Variants in RSBN1L observed in about 807,000 individuals in gnomAD.
RSBN1L encodes the protein round spermatid basic protein 1 like.
In RSBN1L, 30 loss-of-function variants were observed where a neutral mutation model predicts 67.7. That is an observed-to-expected ratio of 0.44 (90% CI 0.33 to 0.60). The LOEUF (loss-of-function observed/expected upper bound fraction) is 0.60, where lower values mean the gene tolerates loss of function less well. Among genes scored for constraint, RSBN1L ranks in the 20% least tolerant of loss-of-function variants. RSBN1L has a pLI of 0.02. For synonymous variants in RSBN1L, 433 were observed against 387.0 expected (o/e 1.12, Z -1.39); for missense variants, 992 against 1,031.7 (o/e 0.96, Z 0.53).
chr7:77,777,404 AGCAGTC>A (rs1791932140), intron 6 of RSBN1L, among the ~76,000 whole-genome samples: 1 of 150,982 alleles, frequency 6.6e-6, no homozygotes, highest in African/African-American at 2.4e-5. Flanking sequence ...AAATTCCTTT[AGCAGTC>A]TTTGTTATGC....
chr7:77,719,791 G>A (rs1048263620), intron 1 of RSBN1L, among the ~76,000 whole-genome samples: 4 of 152,136 alleles, frequency 2.6e-5, no homozygotes, highest in African/African-American at 7.2e-5. Flanking sequence ...TAGAGACAAG[G>A]TCTCACTCTG....
Position 77,779,319 on chromosome 7 carries a change from C to G in RSBN1L, c.*151C>G, listed in dbSNP as rs910810160. 3 of 620,974 alleles carry G rather than the reference C, an allele frequency of 4.8e-6. No homozygotes were observed. In the African/African-American group the frequency reaches 5.6e-5, roughly 12 times the overall value. The allele number at this position is 620,974 out of a possible 1,614,324, so 38.5% of individuals were successfully genotyped here. A position where few individuals can be genotyped will look rare whatever the true frequency, so the allele number is the denominator to read the frequency against. On this transcript the variant is annotated 3_prime_UTR_variant, in exon 8 of 8. Coordinates refer to ENST00000334955, the MANE Select transcript of RSBN1L (RefSeq NM_198467.3). Reference sequence around the variant, plus strand: ...AACATTCCTCAGTGCCTGTCCATAACTGTGAAGTATTAAGCACTTAGGGCC... The same window carrying G: ...AACATTCCTCAGTGCCTGTCCATAAGTGTGAAGTATTAAGCACTTAGGGCC...
chr7:77,768,196 G>A (rs1428348048), intron 4 of RSBN1L, among the ~76,000 whole-genome samples: 3 of 152,068 alleles, frequency 2.0e-5, no homozygotes, highest in Non-Finnish European at 4.4e-5. Flanking sequence ...TCTGGTTTAA[G>A]CCAACAACCT....
intron 4 of RSBN1L, among the ~76,000 whole-genome samples, chr7:77,767,306 A>C (rs1210191401): frequency 6.9e-6 from 1 of 144,964 alleles, no homozygotes; most frequent in Non-Finnish European, 1.5e-5. Context: ...TTTTTTTTTA[A>C]TTTTGTTCTC....
chr7:77,740,277 TC>T (rs1791391419), intron 2 of RSBN1L, among the ~76,000 whole-genome samples: 1 of 152,202 alleles, frequency 6.6e-6, no homozygotes, highest in African/African-American at 2.4e-5. Flanking sequence ...TGCATTATGT[TC>T]CAGGCATTTT....
chr7:77,751,629 C>T (rs910658738), intron 3 of RSBN1L, among the ~76,000 whole-genome samples: 1 of 152,202 alleles, frequency 6.6e-6, no homozygotes, highest in African/African-American at 2.4e-5. Context: ...AGAATCAGGA[C>T]TGGCATCTAA....
chr7:77,748,806 T>C lies in RSBN1L; in HGVS notation c.704-618T>C, dbSNP rs143783470. Among the ~76,000 whole-genome samples the C allele has an allele frequency of 5.6e-3, 856 of 152,228 alleles. 4 individuals carry two copies. The highest frequency in any genetic ancestry group is 0.02 in the African/African-American group (813 of 41,554). ...GGCCTGAAGATTGTTTTCTAAAATA[T>C]TCATTCATCTCCTTATTTCTGTAAA... is the stretch of plus-strand genomic sequence containing the variant. On this transcript the variant is annotated intron_variant, in intron 2 of 7. Coordinates refer to ENST00000334955, the MANE Select transcript of RSBN1L (RefSeq NM_198467.3).
intron 1 of RSBN1L, among the ~76,000 whole-genome samples, chr7:77,734,126 A>C (rs1791303024): frequency 6.6e-6 from 1 of 152,118 alleles, no homozygotes; most frequent in East Asian, 1.9e-4. Context: ...ACTTTGTCTC[A>C]AAAAAAGAAA....
At chr7:77,706,285 C>G (rs1790890991) in intron 1 of RSBN1L, among the ~76,000 whole-genome samples, 1 of 151,886 alleles carries the variant, frequency 6.6e-6, no homozygotes, top group Admixed American at 6.6e-5. Flanking sequence ...ACCATGTTGT[C>G]CAGGCTGGTT....
At chr7:77,698,312 T>C (rs1245800643) in intron 1 of RSBN1L, among the ~76,000 whole-genome samples, 3 of 152,210 alleles carry the variant, frequency 2.0e-5, no homozygotes, top group Non-Finnish European at 4.4e-5. Context: ...GAGGATGGGA[T>C]TTTGGTACTT....
chr7:77,754,352 G>C (rs1791590759), intron 3 of RSBN1L, among the ~76,000 whole-genome samples: 1 of 152,092 alleles, frequency 6.6e-6, no homozygotes, highest in South Asian at 2.1e-4. Flanking sequence ...TTACATTAAG[G>C]CTATAGATAA....
intron 6 of RSBN1L, among the ~76,000 whole-genome samples, chr7:77,777,168 T>TC (rs1193634251): frequency 1.3e-5 from 2 of 151,982 alleles, no homozygotes; most frequent in African/African-American, 4.8e-5. Flanking sequence ...ATTTATTCCC[T>TC]CCCCCCTCAC....
At chr7:77,738,211 A>G (rs1329401645) in intron 2 of RSBN1L, among the ~76,000 whole-genome samples, 1 of 152,188 alleles carries the variant, frequency 6.6e-6, no homozygotes, top group African/African-American at 2.4e-5. Context: ...TATGTTCTTG[A>G]TTGAATACTG....
chr7:77,698,509 A>C (rs2150410204), intron 1 of RSBN1L, among the ~76,000 whole-genome samples: 1 of 152,346 alleles, frequency 6.6e-6, no homozygotes, highest in Admixed American at 6.5e-5. Context: ...TATGAGTATT[A>C]CATAGTTGGA....
chr7:77,761,790 T>C (rs892437557), intron 3 of RSBN1L, among the ~76,000 whole-genome samples: 6 of 152,220 alleles, frequency 3.9e-5, no homozygotes, highest in East Asian at 1.9e-4. Context: ...TGAAATGATA[T>C]ATAGTTAAAG....
At chr7:77,768,500 A>G (rs1006859565) in intron 4 of RSBN1L, 161 bp from the exon 5 acceptor site, 24 of 635,566 alleles carry the variant, frequency 3.8e-5, no homozygotes, top group Admixed American at 6.0e-5. Context: ...GAAGCAAAGT[A>G]TATCAATATA....
chr7:77,760,113 T>C (rs957237497), intron 3 of RSBN1L, among the ~76,000 whole-genome samples: 4 of 152,358 alleles, frequency 2.6e-5, no homozygotes, highest in Non-Finnish European at 5.9e-5. Flanking sequence ...AAAAATCTTA[T>C]AGATTTGTTT....
At chr7:77,776,736 A>G (rs536468534) in intron 6 of RSBN1L, among the ~76,000 whole-genome samples, 1 of 151,840 alleles carries the variant, frequency 6.6e-6, no homozygotes, top group African/African-American at 2.4e-5. Flanking sequence ...CCTTCTTCTT[A>G]TTTGTATTTA....
intron 6 of RSBN1L, among the ~76,000 whole-genome samples, chr7:77,776,664 G>A (rs1195269216): frequency 6.6e-6 from 1 of 152,086 alleles, no homozygotes; most frequent in East Asian, 1.9e-4. Context: ...TCATTATAAA[G>A]TGCCCTTTTT....
Sources: gnomAD v4.1 joint callset for allele counts (sites outside exome capture counted in the v4.1 genomes callset) on GRCh38, gnomAD v4.1.1 for gene constraint, MANE v1.5 for transcripts, NCBI Gene and HGNC (gene_info 2026-07-23, HGNC 2026-07-21) for gene names.